RFX3: variants seen among roughly 807,000 people sequenced by gnomAD.
The protein encoded by RFX3 is transcription factor RFX3.
In RFX3, 14 loss-of-function variants were observed where a neutral mutation model predicts 98.6. That is an observed-to-expected ratio of 0.14 (90% CI 0.09 to 0.22). The LOEUF (loss-of-function observed/expected upper bound fraction) is 0.22. Among genes scored for constraint, RFX3 ranks in the 10% least tolerant of loss-of-function variants. RFX3 has a pLI of 1.00. For missense variants in RFX3, 639 were observed against 926.9 expected (o/e 0.69, Z 4.03); for synonymous variants, 383 against 328.4 (o/e 1.17, Z -1.80).
chr9:3,415,222 T>C (rs1842885343), intron 1 of RFX3, among the ~76,000 whole-genome samples: 1 of 145,732 alleles, frequency 6.9e-6, no homozygotes, highest in South Asian at 2.1e-4. Context: ...TACTCATATA[T>C]ATATATATAA....
intron 1 of RFX3, among the ~76,000 whole-genome samples, chr9:3,408,626 ACACACACACGCACGCACACATGGC>A (rs1842184511): frequency 1.3e-5 from 2 of 151,792 alleles, no homozygotes; most frequent in Admixed American, 6.6e-5. Context: ...ACACACACAC[ACACACACACGCACGCACACATGGC>A]CACACACACA....
intron 11 of RFX3, among the ~76,000 whole-genome samples, chr9:3,268,189 C>A (rs1428400581): frequency 6.6e-6 from 1 of 151,614 alleles, no homozygotes; most frequent in East Asian, 1.9e-4. Flanking sequence ...AATATAGTAG[C>A]TTCAAGCTGA....
chr9:3,336,497 T>C (rs1350703965), intron 3 of RFX3, among the ~76,000 whole-genome samples: 1 of 152,126 alleles, frequency 6.6e-6, no homozygotes, highest in Non-Finnish European at 1.5e-5. Context: ...CCAGATTTTT[T>C]ATTTAGATTG....
chr9:3,262,821 A>G (rs1823097413), intron 13 of RFX3, 114 bp downstream of exon 13: 2 of 1,079,278 alleles, frequency 1.9e-6, no homozygotes, highest in African/African-American at 3.2e-5. Flanking sequence ...CACTGTGAAT[A>G]TAGATGCTGC....
intron 2 of RFX3, among the ~76,000 whole-genome samples, chr9:3,380,246 T>C (rs1839035811): frequency 6.6e-6 from 1 of 152,138 alleles, no homozygotes; most frequent in Non-Finnish European, 1.5e-5. Flanking sequence ...GCAAATTATA[T>C]TTCAAAGATA....
chr9:3,292,971 T>A (rs1280272071), intron 6 of RFX3, 106 bp downstream of exon 6: 1 of 850,270 alleles, frequency 1.2e-6, no homozygotes, highest in Non-Finnish European at 1.8e-6. Flanking sequence ...TCTATGTATT[T>A]CCTTATATAT....
intron 15 of RFX3, among the ~76,000 whole-genome samples, chr9:3,239,034 T>A (rs893812940): frequency 2.3e-4 from 35 of 151,628 alleles, no homozygotes; most frequent in Non-Finnish European, 1.6e-4. Context: ...TAAAACTGAT[T>A]CAAAAAAGGT....
chr9:3,416,064 A>G (rs1412275491), intron 1 of RFX3, among the ~76,000 whole-genome samples: 2 of 152,254 alleles, frequency 1.3e-5, no homozygotes, highest in East Asian at 3.8e-4. Flanking sequence ...GTCTGCAGAG[A>G]TAATTTACTG....
rs929453751 is a variant in RFX3, at chr9:3,271,017, G to A, written c.1188C>T (p.Thr396=). 2.5e-6 allele frequency: 4 copies of A among 1,613,534 alleles called. No homozygotes were observed. Among genetic ancestry groups the A allele is most frequent in the Admixed American group, 1.7e-5 (1 of 59,992 alleles). Reference sequence around the variant, plus strand: ...TTGATTCTGACCTCGATTCGGTAATGGTAGTGCCATCAGTTGGAGTAGAGG... The same window carrying A: ...TTGATTCTGACCTCGATTCGGTAATAGTAGTGCCATCAGTTGGAGTAGAGG... ...YSPSTPTDGT[T]ITESSNLSEI... The change falls in exon 10 of 17, where the codon ACC becomes ACT. Residue 396 remains threonine, a synonymous_variant. Coordinates refer to ENST00000617270, the MANE Select transcript of RFX3 (RefSeq NM_001282116.2).
chr9:3,275,423 T>C (rs1165837239), intron 9 of RFX3, 77 bp downstream of exon 9: 8 of 794,312 alleles, frequency 1.0e-5, no homozygotes, highest in African/African-American at 8.6e-5. Context: ...CCTTTAGGAA[T>C]AAGCTTGATT....
At chr9:3,228,797 C>T (rs770823590) in intron 16 of RFX3, 50 bp downstream of exon 16, 9 of 1,484,690 alleles carry the variant, frequency 6.1e-6, no homozygotes, top group Middle Eastern at 1.9e-4. Context: ...TCTGTAAGAA[C>T]TTATTAATAA....
intron 13 of RFX3, among the ~76,000 whole-genome samples, chr9:3,262,453 T>C (rs1457559838): frequency 6.6e-6 from 1 of 152,212 alleles, no homozygotes; most frequent in African/African-American, 2.4e-5. Flanking sequence ...AACTCTGAAA[T>C]AGAATTGTTC....
intron 2 of RFX3, among the ~76,000 whole-genome samples, chr9:3,393,727 A>G (rs1478089797): frequency 6.8e-6 from 1 of 147,222 alleles, no homozygotes; most frequent in Non-Finnish European, 1.5e-5. Flanking sequence ...TGGTTAAAAA[A>G]TATATATAAA....
chr9:3,474,423 T>C (rs1849045184), intron 1 of RFX3, among the ~76,000 whole-genome samples: 1 of 152,178 alleles, frequency 6.6e-6, no homozygotes, highest in Non-Finnish European at 1.5e-5. Flanking sequence ...AAAGTACCAC[T>C]GAAGTTTCAA....
chr9:3,437,407 T>C (rs1053851519), intron 1 of RFX3, among the ~76,000 whole-genome samples: 1 of 152,080 alleles, frequency 6.6e-6, no homozygotes, highest in African/African-American at 2.4e-5. Context: ...TTCTGCTTCT[T>C]TGAAATTTTA....
chr9:3,504,279 A>T (rs1348211450), intron 1 of RFX3, among the ~76,000 whole-genome samples: 2 of 127,020 alleles, frequency 1.6e-5, no homozygotes, highest in Non-Finnish European at 3.1e-5. Flanking sequence ...TATTGTATAT[A>T]ACATATAAAA....
intron 1 of RFX3, among the ~76,000 whole-genome samples, chr9:3,484,918 C>T (rs745824696): frequency 1.3e-5 from 2 of 150,522 alleles, no homozygotes; most frequent in Non-Finnish European, 3.0e-5. Context: ...ACACCCCCCC[C>T]CACCCCATCT....
intron 2 of RFX3, among the ~76,000 whole-genome samples, chr9:3,368,852 T>C (rs1664440784): frequency 6.6e-6 from 1 of 152,238 alleles, no homozygotes. Context: ...TTAGTATAAC[T>C]AGCTTCCTTG....
chr9:3,448,426 T>C (rs1200098232), intron 1 of RFX3, among the ~76,000 whole-genome samples: 1 of 152,196 alleles, frequency 6.6e-6, no homozygotes, highest in Admixed American at 6.5e-5. Context: ...ATCCATTTGC[T>C]ACATCAGCTG....
Sources: gnomAD v4.1 joint callset for allele counts (sites outside exome capture counted in the v4.1 genomes callset) on GRCh38, gnomAD v4.1.1 for gene constraint, MANE v1.5 for transcripts, NCBI Gene and HGNC (gene_info 2026-07-23, HGNC 2026-07-21) for gene names.